Variants in COL8A1 observed in about 807,000 individuals in gnomAD.
COL8A1 encodes the protein collagen type VIII alpha 1 chain.
In COL8A1, 21 loss-of-function variants were observed where a neutral mutation model predicts 42.7. The observed-to-expected ratio is 0.49, with a 90% CI of 0.35 to 0.71. COL8A1 has a LOEUF of 0.71. COL8A1 is among the 30% of genes least tolerant of loss of function. The pLI, the probability that COL8A1 is intolerant of heterozygous loss-of-function variation, is 0.01. For synonymous variants in COL8A1, 367 were observed against 369.1 expected, an observed-to-expected ratio of 0.99 and a Z score of 0.06; for missense variants, 788 against 962.4, an observed-to-expected ratio of 0.82 and a Z score of 2.40.
intron 1 of COL8A1, among the ~76,000 whole-genome samples, chr3:99,655,991 T>C (rs927926792): frequency 1.3e-5 from 2 of 152,204 alleles, no homozygotes; most frequent in Non-Finnish European, 2.9e-5. Context: ...GCATTCACTG[T>C]GGACACAAAT....
At position 99,790,530 on chromosome 3, in the gene COL8A1, A is replaced by AG. The variant is rs138216969; in HGVS notation, c.-3-149dup. Reference sequence around the variant, plus strand: ...TTTTGTTTGTTTGTTTTCTATAGAAAGTAGCATTTTCCTTTTCATTTGACT... The same window carrying AG: ...TTTTGTTTGTTTGTTTTCTATAGAAAGGTAGCATTTTCCTTTTCATTTGACT... On this transcript the variant is annotated intron_variant, in intron 2 of 3. Coordinates refer to ENST00000652472, the MANE Select transcript of COL8A1 (RefSeq NM_020351.4). 8.0e-3 allele frequency: 5,227 copies of AG among 655,548 alleles called. 39 individuals are homozygous for AG. Among genetic ancestry groups the AG allele is most frequent in the African/African-American group, 0.028 (1,542 of 54,798 alleles). The allele number at this position is 655,548 out of a possible 1,614,324, so 40.6% of individuals were successfully genotyped here. A position where few individuals can be genotyped will look rare whatever the true frequency, so the allele number is the denominator to read the frequency against.
chr3:99,768,334 T>C (rs1941503669), intron 2 of COL8A1, among the ~76,000 whole-genome samples: 1 of 152,192 alleles, frequency 6.6e-6, no homozygotes, highest in East Asian at 1.9e-4. Context: ...GACTGTCAGA[T>C]GGTATGGGCT....
intron 2 of COL8A1, among the ~76,000 whole-genome samples, chr3:99,786,917 G>T (rs1235500924): frequency 1.3e-5 from 2 of 152,070 alleles, no homozygotes; most frequent in Admixed American, 1.3e-4. Context: ...CTTGCTTTAG[G>T]GTGGCAAATC....
intron 1 of COL8A1, among the ~76,000 whole-genome samples, chr3:99,696,061 G>T (rs1939356659): frequency 6.6e-6 from 1 of 152,172 alleles, no homozygotes; most frequent in Non-Finnish European, 1.5e-5. Flanking sequence ...TTGAAGCCGG[G>T]AGGCAGAGGT....
rs762335752 is a variant in COL8A1 at position 99,796,086 on chromosome 3, G to A, written c.2185G>A (p.Gly729Arg). Reference sequence around the variant, plus strand: ...AGAACAGGCTGCAGGACTGTATGCCGGGCAGTATGTCCACTCCTCCTTTTC... The same window carrying A: ...AGAACAGGCTGCAGGACTGTATGCCAGGCAGTATGTCCACTCCTCCTTTTC... Reference protein sequence around the residue: ...PSEQAAGLYAGQYVHSSFSGY... With the variant: ...PSEQAAGLYARQYVHSSFSGY... The change falls in exon 4 of 4, where the codon GGG becomes AGG. Residue 729 changes from glycine to arginine, a missense_variant. By Grantham distance (125) the Gly-to-Arg change is moderately radical. Transcript: ENST00000652472. The A allele has an allele frequency of 4.4e-6, 7 of 1,579,772 alleles. No homozygotes were observed. The highest frequency in any genetic ancestry group is 1.7e-4 in the Middle Eastern group (1 of 5,874).
At chr3:99,760,084 T>C (rs767928274) in intron 2 of COL8A1, among the ~76,000 whole-genome samples, 1 of 152,070 alleles carries the variant, frequency 6.6e-6, no homozygotes, top group Non-Finnish European at 1.5e-5. Flanking sequence ...AGACAGTGAA[T>C]ATTGTCAGTG....
chr3:99,769,049 A>T (rs1350280893), intron 2 of COL8A1, among the ~76,000 whole-genome samples: 1 of 152,214 alleles, frequency 6.6e-6, no homozygotes, highest in Non-Finnish European at 1.5e-5. Flanking sequence ...TGGTATAAAG[A>T]GCACAGCATA....
chr3:99,750,809 TA>T (rs1941131801), intron 2 of COL8A1, among the ~76,000 whole-genome samples: 1 of 152,208 alleles, frequency 6.6e-6, no homozygotes, highest in South Asian at 2.1e-4. Context: ...AAAGTTGTAA[TA>T]CGGGCTGGTA....
At chr3:99,659,677 G>A (rs920140179) in intron 1 of COL8A1, among the ~76,000 whole-genome samples, 32 of 152,134 alleles carry the variant, frequency 2.1e-4, no homozygotes, top group Admixed American at 1.0e-3. Context: ...TTGATCTTGT[G>A]TTCCAAGCAG....
intron 1 of COL8A1, among the ~76,000 whole-genome samples, chr3:99,673,532 T>C (rs1277947402): frequency 6.6e-6 from 1 of 152,116 alleles, no homozygotes; most frequent in Non-Finnish European, 1.5e-5. Flanking sequence ...GATTTTCTTA[T>C]TCACTGCATT....
chr3:99,668,764 G>T (rs1375747481), intron 1 of COL8A1, among the ~76,000 whole-genome samples: 2 of 151,958 alleles, frequency 1.3e-5, no homozygotes, highest in Non-Finnish European at 2.9e-5. Flanking sequence ...TTAATAAGTA[G>T]CTGTATAGTA....
At chr3:99,763,193 A>G (rs73860466) in intron 2 of COL8A1, among the ~76,000 whole-genome samples, 2,248 of 152,328 alleles carry the variant, frequency 0.015, 56 homozygotes, top group African/African-American at 0.052. Context: ...AGCCTGTTAT[A>G]TATTCCAAAG....
intron 2 of COL8A1, among the ~76,000 whole-genome samples, chr3:99,755,278 A>C (rs1182817505): frequency 2.0e-5 from 3 of 152,210 alleles, no homozygotes; most frequent in African/African-American, 7.2e-5. Flanking sequence ...TCAAATCCTG[A>C]AATAAGATGA....
intron 2 of COL8A1, among the ~76,000 whole-genome samples, chr3:99,763,729 A>G (rs918335074): frequency 2.6e-5 from 4 of 152,136 alleles, no homozygotes; most frequent in Non-Finnish European, 4.4e-5. Context: ...ACCCAGTACC[A>G]TGTTCTGCTT....
chr3:99,714,496 G>A (rs1050924536), intron 1 of COL8A1, among the ~76,000 whole-genome samples: 3 of 152,024 alleles, frequency 2.0e-5, no homozygotes, highest in African/African-American at 7.2e-5. Context: ...TGATGAAATG[G>A]AATCTATCTG....
intron 1 of COL8A1, among the ~76,000 whole-genome samples, chr3:99,677,289 C>T (rs985998052): frequency 2.0e-5 from 3 of 151,992 alleles, no homozygotes; most frequent in African/African-American, 7.2e-5. Context: ...ATAAATATAA[C>T]TCATTTTTAA....
intron 1 of COL8A1, among the ~76,000 whole-genome samples, chr3:99,698,858 T>C (rs1264050756): frequency 6.6e-6 from 1 of 152,214 alleles, no homozygotes; most frequent in South Asian, 2.1e-4. Flanking sequence ...TGCAGCTGTA[T>C]ATCAAGGTAC....
intron 1 of COL8A1, among the ~76,000 whole-genome samples, chr3:99,673,721 G>C (rs1465473514): frequency 6.6e-6 from 1 of 151,976 alleles, no homozygotes; most frequent in African/African-American, 2.4e-5. Context: ...CATTTTAATA[G>C]AGGTAGCAGA....
chr3:99,789,456 G>A (rs1227674945), intron 2 of COL8A1, among the ~76,000 whole-genome samples: 1 of 152,108 alleles, frequency 6.6e-6, no homozygotes, highest in East Asian at 1.9e-4. Flanking sequence ...TTTATACATT[G>A]TGAGCATGGA....
Sources: gnomAD v4.1 joint callset for allele counts (sites outside exome capture counted in the v4.1 genomes callset) on GRCh38, gnomAD v4.1.1 for gene constraint, MANE v1.5 for transcripts, NCBI Gene and HGNC (gene_info 2026-07-23, HGNC 2026-07-21) for gene names.